AGPAT4: variants seen among roughly 807,000 people sequenced by gnomAD.
AGPAT4 encodes the protein 1-acylglycerol-3-phosphate O-acyltransferase 4, also known as 1-acyl-sn-glycerol-3-phosphate acyltransferase delta.
In AGPAT4, 15 loss-of-function variants were observed where a neutral mutation model predicts 48.0. The ratio of observed to expected loss-of-function variants is 0.31; its 90% confidence interval spans 0.21 to 0.48. AGPAT4 has a LOEUF of 0.48. Ranked by LOEUF, AGPAT4 falls within the 20% of genes least tolerant of loss-of-function variation. The probability of loss-of-function intolerance (pLI) is 0.99; values close to 1 mark genes in which losing one functional copy is unlikely to be tolerated. For missense variants in AGPAT4, 314 were observed against 482.5 expected, an observed-to-expected ratio of 0.65 and a Z score of 3.27; for synonymous variants, 178 against 198.7, an observed-to-expected ratio of 0.90 and a Z score of 0.88.
rs1782611434 is a variant in AGPAT4, at chr6:161,245,029, C to T, written c.-89-12727G>A. Among the ~76,000 whole-genome samples, 1 of 152,270 alleles carries T rather than the reference C, an allele frequency of 6.6e-6. No individual in the cohort carries two copies. Among genetic ancestry groups the T allele is most frequent in the South Asian group, 2.1e-4 (1 of 4,838 alleles). On this transcript the variant is annotated intron_variant, in intron 1 of 8. Coordinates refer to ENST00000320285, the MANE Select transcript of AGPAT4 (RefSeq NM_020133.3). The surrounding 1 kb of genome is among the most constrained non-coding windows in gnomAD (Gnocchi z 5.2). Reference sequence around the variant, plus strand: ...GCAAATGCTAACTTAATTTCGCACACATGCCTACTAGCAAGCCGTGCACCA... The same window carrying T: ...GCAAATGCTAACTTAATTTCGCACATATGCCTACTAGCAAGCCGTGCACCA...
Position 161,139,664 on chromosome 6 carries a change from G to T in AGPAT4, c.844-44C>A, listed in dbSNP as rs201317021. 8 of 1,519,260 alleles carry T rather than the reference G, an allele frequency of 5.3e-6. No individual in the cohort carries two copies. Among genetic ancestry groups the T allele is most frequent in the Non-Finnish European group, 6.3e-6 (7 of 1,119,486 alleles). 94.1% of individuals were successfully genotyped at this position (1,519,260 alleles called of 1,614,324 possible). The stretch of plus-strand genomic sequence containing the variant: ...GACCCTCAGACGCCACACGGGGCTC[G>T]GTGGCAGGTCCCTCCCGAGGCCCTG... On this transcript the variant is annotated intron_variant, in intron 7 of 8. Coordinates refer to ENST00000320285, the MANE Select transcript of AGPAT4 (RefSeq NM_020133.3). The surrounding 1 kb of genome is among the most constrained non-coding windows in gnomAD (Gnocchi z 9.1).
rs1195217886 is a variant in AGPAT4, at chr6:161,133,780, T to C, written c.*2760A>G. On this transcript the variant is annotated 3_prime_UTR_variant, in exon 9 of 9. Coordinates refer to ENST00000320285, the MANE Select transcript of AGPAT4 (RefSeq NM_020133.3). The stretch of plus-strand genomic sequence containing the variant: ...ACAGAACAGGCTCTCAGTAGCGTGA[T>C]AAGCTTTAAGCTAGAATGAGATGGA... 6.6e-6 allele frequency: 1 copy of C among 152,228 alleles called. No individual in the cohort carries two copies. The highest frequency in any genetic ancestry group is 1.5e-5 in the Non-Finnish European group (1 of 68,064). 9.4% of individuals were successfully genotyped at this position (152,228 alleles called of 1,614,324 possible).
At chr6:161,250,879 G>A (rs1782788022) in intron 1 of AGPAT4, among the ~76,000 whole-genome samples, 1 of 152,138 alleles carries the variant, frequency 6.6e-6, no homozygotes, top group Non-Finnish European at 1.5e-5. Flanking sequence ...GAAGCTGCAT[G>A]TTTTAAAGTA....
At position 161,139,011 on chromosome 6, in the gene AGPAT4, C is replaced by T. The variant is rs1177812236; in HGVS notation, c.1042+411G>A. 1.3e-5 allele frequency among the ~76,000 whole-genome samples: 2 copies of T among 152,220 alleles called. No homozygotes were observed. Among genetic ancestry groups the T allele is most frequent in the African/African-American group, 4.8e-5 (2 of 41,452 alleles). ...CAGCAAAGGAGAAGCCACAGGCGCC[C>T]CCAGAGGAAGGCAGGGAGCTGCCCA... On this transcript the variant is annotated intron_variant, in intron 8 of 8. Transcript: ENST00000320285. The surrounding 1 kb of genome is among the most constrained non-coding windows in gnomAD (Gnocchi z 9.1).
In AGPAT4 at chr6:161,220,556, C is replaced by T. The variant is rs1781805653; in HGVS notation, c.178+11480G>A. On this transcript the variant is annotated intron_variant, in intron 2 of 8. Transcript: ENST00000320285. This position sits in a 1 kb window ranked among gnomAD's most constrained non-coding sequence, Gnocchi z 6.0. ...GCAGAGCAAGTAGAGGAACCAAAGACTTGTTGCCCTCTTTTTGGCCAAACA... is the reference window on the plus strand; with the variant it reads ...GCAGAGCAAGTAGAGGAACCAAAGATTTGTTGCCCTCTTTTTGGCCAAACA... Among the ~76,000 whole-genome samples the T allele has an allele frequency of 6.6e-6, 1 of 152,156 alleles. No homozygotes were observed. Among genetic ancestry groups the T allele is most frequent in the Non-Finnish European group, 1.5e-5 (1 of 68,020 alleles).
rs1782530347 is a variant in AGPAT4, at chr6:161,242,800, G to T, written c.-89-10498C>A. Among the ~76,000 whole-genome samples the T allele has an allele frequency of 6.6e-6, 1 of 152,206 alleles. No individual in the cohort carries two copies. The highest frequency in any genetic ancestry group is 2.4e-5 in the African/African-American group (1 of 41,452). On this transcript the variant is annotated intron_variant, in intron 1 of 8. Coordinates refer to ENST00000320285, the MANE Select transcript of AGPAT4 (RefSeq NM_020133.3). The surrounding 1 kb of genome is among the most constrained non-coding windows in gnomAD (Gnocchi z 5.0). ...AATAAGGAAACCTAGGCCGGGCGCA[G>T]CGGCTCACACCTGTCATCCCAGCAC...
In AGPAT4 at chr6:161,231,098, T is replaced by C. The variant is rs1378768850; in HGVS notation, c.178+938A>G. 6.6e-6 allele frequency among the ~76,000 whole-genome samples: 1 copy of C among 152,212 alleles called. No individual in the cohort carries two copies. Among genetic ancestry groups the C allele is most frequent in the African/African-American group, 2.4e-5 (1 of 41,440 alleles). ...AAAATATATCAATAATTTTAGACTC[T>C]TGGCATAATCTTAGTTGATGTTTTT... On this transcript the variant is annotated intron_variant, in intron 2 of 8. Coordinates refer to ENST00000320285, the MANE Select transcript of AGPAT4 (RefSeq NM_020133.3). This position sits in a 1 kb window ranked among gnomAD's most constrained non-coding sequence, Gnocchi z 5.3.
rs1779333314 is a variant in AGPAT4 at position 161,143,913 on chromosome 6, T to C, written c.843+2611A>G. 20 of 306,050 alleles carry C rather than the reference T, an allele frequency of 6.5e-5. No individual in the cohort carries two copies. Among genetic ancestry groups the C allele is most frequent in the South Asian group, 5.0e-4 (18 of 35,736 alleles). 19.0% of individuals were successfully genotyped at this position (306,050 alleles called of 1,614,324 possible). A position where few individuals can be genotyped will look rare whatever the true frequency, so the allele number is the denominator to read the frequency against. On this transcript the variant is annotated intron_variant, in intron 7 of 8. Coordinates refer to ENST00000320285, the MANE Select transcript of AGPAT4 (RefSeq NM_020133.3). This position sits in a 1 kb window ranked among gnomAD's most constrained non-coding sequence, Gnocchi z 4.7. The stretch of plus-strand genomic sequence containing the variant: ...GCAGAAACTTTACTTGTCCATGAAA[T>C]TGAAAAGTCAGAGAACTACTGCCCT...
At chr6:161,224,296 A>G (rs889769568) in intron 2 of AGPAT4, among the ~76,000 whole-genome samples, 36 of 152,182 alleles carry the variant, frequency 2.4e-4, no homozygotes, top group African/African-American at 7.7e-4. Flanking sequence ...GCTGATTAGT[A>G]TAACATGTGG....
At position 161,259,596 on chromosome 6, in the gene AGPAT4, A is replaced by G. The variant is rs1783042667; in HGVS notation, c.-90+14342T>C. On this transcript the variant is annotated intron_variant, in intron 1 of 8. Transcript: ENST00000320285. This position sits in a 1 kb window ranked among gnomAD's most constrained non-coding sequence, Gnocchi z 4.9. ...ACAGCATTTGCCAGGCCTGGTCAAA[A>G]TGAGAATGTGGGGTTCCTTCTTCAA... is the stretch of plus-strand genomic sequence containing the variant. 1.3e-5 allele frequency among the ~76,000 whole-genome samples: 2 copies of G among 152,094 alleles called. No individual in the cohort carries two copies. The highest frequency in any genetic ancestry group is 1.3e-4 in the Admixed American group (2 of 15,276).
rs1782912757 is a variant in AGPAT4 at position 161,255,128 on chromosome 6, C to T, written c.-90+18810G>A. ...CATCACCACCACAGGGCCCTGCTCC[C>T]AGCTACTTCATCTTTCCCTGTAATA... On this transcript the variant is annotated intron_variant, in intron 1 of 8. Transcript: ENST00000320285. This position sits in a 1 kb window ranked among gnomAD's most constrained non-coding sequence, Gnocchi z 4.7. 6.6e-6 allele frequency among the ~76,000 whole-genome samples: 1 copy of T among 152,216 alleles called. No homozygotes were observed. Among genetic ancestry groups the T allele is most frequent in the African/African-American group, 2.4e-5 (1 of 41,454 alleles).
chr6:161,157,163 A>C (rs190573583), intron 3 of AGPAT4, among the ~76,000 whole-genome samples: 38 of 152,362 alleles, frequency 2.5e-4, no homozygotes, highest in African/African-American at 7.7e-4. Flanking sequence ...AGTCATTTAC[A>C]AGTGATTTTT....
In AGPAT4 at chr6:161,136,499, A is replaced by G. The variant is rs1260487875; in HGVS notation, c.*41T>C. 1 of 1,580,846 alleles carries G rather than the reference A, an allele frequency of 6.3e-7. No homozygotes were observed. The highest frequency in any genetic ancestry group is 2.2e-5 in the East Asian group (1 of 44,704). On this transcript the variant is annotated 3_prime_UTR_variant, in exon 9 of 9. Coordinates refer to ENST00000320285, the MANE Select transcript of AGPAT4 (RefSeq NM_020133.3). ...CTAAGGAGGATATGCAGAGGCCACC[A>G]GTTCCCCAAGGTTCCCTTCGGATGG...
rs1782174394 is a variant in AGPAT4 at position 161,233,140 on chromosome 6, C to T, written c.-89-838G>A. On this transcript the variant is annotated intron_variant, in intron 1 of 8. Transcript: ENST00000320285. The surrounding 1 kb of genome is among the most constrained non-coding windows in gnomAD (Gnocchi z 5.4). ...ACACACACACACACACACACACACACACACAGATACACACATCCTTAAGTG... is the reference window on the plus strand; with the variant it reads ...ACACACACACACACACACACACACATACACAGATACACACATCCTTAAGTG... 7.1e-6 allele frequency among the ~76,000 whole-genome samples: 1 copy of T among 140,414 alleles called. No individual in the cohort carries two copies. Among genetic ancestry groups the T allele is most frequent in the South Asian group, 2.2e-4 (1 of 4,530 alleles). The allele number at this position is 140,414 out of a possible 152,430, so 92.1% of individuals were successfully genotyped here. A position where few individuals can be genotyped will look rare whatever the true frequency, so the allele number is the denominator to read the frequency against.
chr6:161,147,052 T>C lies in AGPAT4; in HGVS notation c.768-453A>G, dbSNP rs1779452382. Among the ~76,000 whole-genome samples, 1 of 152,230 alleles carries C rather than the reference T, an allele frequency of 6.6e-6. No homozygotes were observed. The highest frequency in any genetic ancestry group is 1.5e-5 in the Non-Finnish European group (1 of 68,036). On this transcript the variant is annotated intron_variant, in intron 6 of 8. Coordinates refer to ENST00000320285, the MANE Select transcript of AGPAT4 (RefSeq NM_020133.3). The surrounding 1 kb of genome is among the most constrained non-coding windows in gnomAD (Gnocchi z 4.8). ...TAACCAACTTACTGGTAATGGCAGA[T>C]TATCTCCCATCAAATGATTCCTCTG...
Position 161,154,442 on chromosome 6 carries a change from A to C in AGPAT4, c.349-132T>G. ...ACGCCTCGGGACAGTCCCAGAACAC[A>C]TGCTGTCGAGGCCATGGACCCTGGT... On this transcript the variant is annotated intron_variant, in intron 3 of 8. Coordinates refer to ENST00000320285, the MANE Select transcript of AGPAT4 (RefSeq NM_020133.3). This position sits in a 1 kb window ranked among gnomAD's most constrained non-coding sequence, Gnocchi z 7.8. 9.7e-7 allele frequency: 1 copy of C among 1,028,710 alleles called. No individual in the cohort carries two copies. Among genetic ancestry groups the C allele is most frequent in the Non-Finnish European group, 1.4e-6 (1 of 719,064 alleles). 63.7% of individuals were successfully genotyped at this position (1,028,710 alleles called of 1,614,324 possible).
At chr6:161,175,875 C>T (rs1232606664) in intron 2 of AGPAT4, among the ~76,000 whole-genome samples, 3 of 152,048 alleles carry the variant, frequency 2.0e-5, no homozygotes, top group African/African-American at 7.2e-5. Flanking sequence ...TCTTTATTCC[C>T]ACCTTCATTT....
rs1211744877 is a variant in AGPAT4, at chr6:161,135,645, G to C, written c.*895C>G. The C allele has an allele frequency of 6.6e-6, 1 of 152,094 alleles. No homozygotes were observed. Among genetic ancestry groups the C allele is most frequent in the Non-Finnish European group, 1.5e-5 (1 of 68,070 alleles). The allele number at this position is 152,094 out of a possible 1,614,324, so 9.4% of individuals were successfully genotyped here. A position where few individuals can be genotyped will look rare whatever the true frequency, so the allele number is the denominator to read the frequency against. Reference sequence around the variant, plus strand: ...AGTGAAACTGCATTTTATCAGGGGTGACTTTGGCTGTCACTGCTGAGAGGA... The same window carrying C: ...AGTGAAACTGCATTTTATCAGGGGTCACTTTGGCTGTCACTGCTGAGAGGA... On this transcript the variant is annotated 3_prime_UTR_variant, in exon 9 of 9. Coordinates refer to ENST00000320285, the MANE Select transcript of AGPAT4 (RefSeq NM_020133.3).
Position 161,212,215 on chromosome 6 carries a change from C to T in AGPAT4, c.178+19821G>A, listed in dbSNP as rs1781539832. 6.6e-6 allele frequency among the ~76,000 whole-genome samples: 1 copy of T among 152,082 alleles called. No homozygotes were observed. The highest frequency in any genetic ancestry group is 1.5e-5 in the Non-Finnish European group (1 of 67,982). On this transcript the variant is annotated intron_variant, in intron 2 of 8. Coordinates refer to ENST00000320285, the MANE Select transcript of AGPAT4 (RefSeq NM_020133.3). The surrounding 1 kb of genome is among the most constrained non-coding windows in gnomAD (Gnocchi z 6.1). ...AGATTGTTTACAAAATTTTGAAAAA[C>T]AAATTTAAATGACTTTGTGCTATTT...
Sources: gnomAD v4.1 joint callset for allele counts (sites outside exome capture counted in the v4.1 genomes callset) on GRCh38, gnomAD v4.1.1 for gene constraint, Gnocchi (gnomAD v3.1) non-coding constraint, MANE v1.5 for transcripts, NCBI Gene and HGNC (gene_info 2026-07-23, HGNC 2026-07-21) for gene names.